Variants in ZNF217 observed in about 807,000 individuals in gnomAD.
ZNF217 encodes the protein zinc finger protein 217.
ZNF217 carries 12 observed loss-of-function variants against 73.3 expected under a neutral mutation model. The ratio of observed to expected loss-of-function variants is 0.16; its 90% CI spans 0.10 to 0.27. ZNF217 has a LOEUF of 0.27. Among genes scored for constraint, ZNF217 ranks in the 10% least tolerant of loss-of-function variants. The pLI is 1.00. For missense variants in ZNF217, 1,195 were observed against 1,327.8 expected, an observed-to-expected ratio of 0.90 and a Z score of 1.55; for synonymous variants, 588 against 516.4, an observed-to-expected ratio of 1.14 and a Z score of -1.88.
chr20:53,597,083 CAAAAAA>C (rs11483077), upstream of ZNF217, among the ~76,000 whole-genome samples: 4 of 120,794 alleles, frequency 3.3e-5, no homozygotes, highest in South Asian at 2.8e-4. Flanking sequence ...AGTAACATAA[CAAAAAA>C]AAAAAAAGAA....
chr20:53,590,498 A>C (rs1335160092), intron 1 of ZNF217, among the ~76,000 whole-genome samples: 3 of 152,212 alleles, frequency 2.0e-5, no homozygotes, highest in Non-Finnish European at 4.4e-5. Flanking sequence ...GAGTCAGCTA[A>C]AAGTAGCTCC....
intron 1 of ZNF217, among the ~76,000 whole-genome samples, chr20:53,589,953 C>T (rs1204638578): frequency 7.1e-6 from 1 of 140,104 alleles, no homozygotes; most frequent in Non-Finnish European, 1.5e-5. Flanking sequence ...CCCCCGCCCG[C>T]CATTGTCTCA....
chr20:53,596,216 T>G (rs1001733226), upstream of ZNF217, among the ~76,000 whole-genome samples: 3 of 150,070 alleles, frequency 2.0e-5, no homozygotes, highest in African/African-American at 7.4e-5. Flanking sequence ...GCATCATGAT[T>G]TGTTACTGTT....
chr20:53,577,441 G>A (rs565556558), intron 3 of ZNF217, among the ~76,000 whole-genome samples, 161 bp from the exon 4 acceptor site: 2 of 152,284 alleles, frequency 1.3e-5, no homozygotes, highest in African/African-American at 4.8e-5. Context: ...TTACTGTAAT[G>A]AATATTTGAA....
At chr20:53,590,858 TTGATG>T (rs1196734663) in intron 1 of ZNF217, among the ~76,000 whole-genome samples, 2 of 152,210 alleles carry the variant, frequency 1.3e-5, no homozygotes. Flanking sequence ...TATAAGTGAC[TTGATG>T]ATTAAGTCTT....
chr20:53,587,127 A>G (rs1452582782), intron 1 of ZNF217, among the ~76,000 whole-genome samples: 1 of 152,246 alleles, frequency 6.6e-6, no homozygotes, highest in Non-Finnish European at 1.5e-5. Context: ...CCATATTTTG[A>G]AAGAAACTTC....
upstream of ZNF217, among the ~76,000 whole-genome samples, chr20:53,595,035 A>C (rs142320060): frequency 0.024 from 3,181 of 133,378 alleles, 94 homozygotes; most frequent in African/African-American, 0.09. Context: ...AACCGGGGAC[A>C]AAAAAAGGGA....
rs1204964480 is a variant in ZNF217, at chr20:53,576,783, C to T, written c.1981G>A (p.Val661Ile). Residue 661 changes from valine (V) to isoleucine (I), a missense_variant, in exon 4 of 6, where the codon GTT (valine) becomes ATT (isoleucine). Around this residue, in one of 9 missense-constraint regions of ZNF217, gnomAD observed 649 missense variants for 642.8 expected, o/e 1.01. Transcript: ENST00000371471. ...PDGSTTHNLE[V>I]SPKEKQTETA... ...TCCGTTTGCTTCTCTTTGGGGCTAA[C>T]TTCAAGGTTATGGGTGGTACTGCCA... is the stretch of plus-strand genomic sequence containing the variant. 2 of 1,614,118 alleles carry T rather than the reference C, an allele frequency of 1.2e-6. No homozygotes were observed. Among genetic ancestry groups the T allele is most frequent in the African/African-American group, 1.3e-5 (1 of 74,936 alleles).
In ZNF217 at chr20:53,568,079, A is replaced by C. The variant is rs984095367; in HGVS notation, c.*1209T>G. On this transcript the variant is annotated 3_prime_UTR_variant, in exon 6 of 6. Coordinates refer to ENST00000371471, the MANE Select transcript of ZNF217 (RefSeq NM_006526.3). ...TTGCATGTGCACTGAGAAAAATGTT[A>C]CTGCTTCAAAACAACCAAAAATGGG... 1 of 152,350 alleles carries C rather than the reference A, an allele frequency of 6.6e-6. No homozygotes were observed. Among genetic ancestry groups the C allele is most frequent in the Non-Finnish European group, 1.5e-5 (1 of 68,026 alleles). 9.4% of individuals were successfully genotyped at this position (152,350 alleles called of 1,614,324 possible). A position where few individuals can be genotyped will look rare whatever the true frequency, so the allele number is the denominator to read the frequency against.
rs768950525 is a variant in ZNF217 at position 53,581,414 on chromosome 20, AG to A, written c.1366+46del. ...AATAGAGAGGGGGAGACGGGGAGAC[AG>A]ACAGACACAGGCGGAACAGCACGGG... On this transcript the variant is annotated intron_variant, in intron 2 of 5. Coordinates refer to ENST00000371471, the MANE Select transcript of ZNF217 (RefSeq NM_006526.3). This position sits in a 1 kb window ranked among gnomAD's most constrained non-coding sequence, Gnocchi z 4.9. 9 of 1,502,392 alleles carry A rather than the reference AG, an allele frequency of 6.0e-6. No individual in the cohort carries two copies. Among genetic ancestry groups the A allele is most frequent in the Non-Finnish European group, 8.0e-6 (9 of 1,128,954 alleles). 93.1% of individuals were successfully genotyped at this position (1,502,392 alleles called of 1,614,324 possible).
chr20:53,596,157 C>CT (rs1453163769), upstream of ZNF217, among the ~76,000 whole-genome samples: 1 of 151,856 alleles, frequency 6.6e-6, no homozygotes, highest in Non-Finnish European at 1.5e-5. Context: ...AACGGTTGTG[C>CT]TTGTTTTCCC....
chr20:53,576,266 G>A lies in ZNF217; in HGVS notation c.2498C>T (p.Ala833Val), dbSNP rs763781778. ...PQQNVGVQGA[A>V]TRQQQSEMFP... is the part of the protein sequence containing the mutation. ...CATCTCAGATTGCTGTTGCCTGGTG[G>A]CGGCCCCTTGGACCCCCACATTCTG... The change falls in exon 4 of 6, where the codon GCC becomes GTC. Residue 833 changes from alanine (A) to valine (V), a missense_variant. Coordinates refer to ENST00000371471, the MANE Select transcript of ZNF217 (RefSeq NM_006526.3). 2.1e-5 allele frequency: 34 copies of A among 1,614,082 alleles called. No individual in the cohort carries two copies. The highest frequency in any genetic ancestry group is 3.3e-4 in the Middle Eastern group (2 of 6,082).
upstream of ZNF217, among the ~76,000 whole-genome samples, chr20:53,594,219 G>A (rs1424118632): frequency 6.6e-6 from 1 of 151,720 alleles, no homozygotes; most frequent in Non-Finnish European, 1.5e-5. Flanking sequence ...CCCTAGAGCC[G>A]CCGGGGCGCG....
intron 1 of ZNF217, among the ~76,000 whole-genome samples, chr20:53,591,371 A>G (rs1568693063): frequency 6.6e-6 from 1 of 152,246 alleles, no homozygotes; most frequent in Non-Finnish European, 1.5e-5. Context: ...GTAGGCAAAT[A>G]AAGACAATTC....
At chr20:53,585,290 T>A (rs1251333745) in intron 1 of ZNF217, among the ~76,000 whole-genome samples, 1 of 152,132 alleles carries the variant, frequency 6.6e-6, no homozygotes, top group Non-Finnish European at 1.5e-5. Flanking sequence ...ACGGGTATAG[T>A]GGCTCACACC....
intron 1 of ZNF217, among the ~76,000 whole-genome samples, chr20:53,588,595 TATATATATA>T (rs1237393898): frequency 2.2e-3 from 1 of 458 alleles, no homozygotes; most frequent in African/African-American, 0.024. Context: ...CACATCTATC[TATATATATA>T]TATATATATA....
intron 1 of ZNF217, among the ~76,000 whole-genome samples, chr20:53,590,419 T>C (rs1253843422): frequency 6.6e-6 from 1 of 152,242 alleles, no homozygotes; most frequent in African/African-American, 2.4e-5. Context: ...TTTGAATTTT[T>C]TTTTTAAGCA....
chr20:53,587,499 C>G (rs1306892498), intron 1 of ZNF217, among the ~76,000 whole-genome samples: 2 of 152,192 alleles, frequency 1.3e-5, no homozygotes, highest in African/African-American at 4.8e-5. Context: ...TCTGTTTCTT[C>G]TGATTAACAG....
chr20:53,569,485 C>A (rs377261296), intron 5 of ZNF217, among the ~76,000 whole-genome samples: 1 of 152,080 alleles, frequency 6.6e-6, no homozygotes, highest in Non-Finnish European at 1.5e-5. Context: ...CAGGTTCAAG[C>A]GATTCTCCTG....
Sources: gnomAD v4.1 joint callset for allele counts (sites outside exome capture counted in the v4.1 genomes callset) on GRCh38, gnomAD v4.1.1 for gene constraint, gnomAD v4.1.1 regional missense constraint, Gnocchi (gnomAD v3.1) non-coding constraint, MANE v1.5 for transcripts, NCBI Gene and HGNC (gene_info 2026-07-23, HGNC 2026-07-21) for gene names.